PIEZO2: variants seen among roughly 807,000 people sequenced by gnomAD.
PIEZO2 encodes piezo-type mechanosensitive ion channel component 2.
PIEZO2 carries 172 observed loss-of-function variants against 337.3 expected under a neutral mutation model. That is an observed-to-expected ratio of 0.51 (90% CI 0.45 to 0.58). The LOEUF (loss-of-function observed/expected upper bound fraction) is 0.58, where lower values mean the gene tolerates loss of function less well. Ranked by LOEUF, PIEZO2 falls within the 20% of genes least tolerant of loss-of-function variation. The pLI is 0.00. For missense variants in PIEZO2, 3,028 were observed against 3,391.3 expected (o/e 0.89, Z 2.66); for synonymous variants, 1,251 against 1,228.5 (o/e 1.02, Z -0.38).
At chr18:10,931,257 T>G (rs904402588) in intron 3 of PIEZO2, among the ~76,000 whole-genome samples, 13 of 152,212 alleles carry the variant, frequency 8.5e-5, no homozygotes, top group African/African-American at 3.1e-4. Flanking sequence ...TGGAGTGCAG[T>G]GGCGCCATCT....
chr18:10,789,409 T>C (rs1289086732), intron 14 of PIEZO2, 44 bp from the exon 15 acceptor site: 1 of 1,500,830 alleles, frequency 6.7e-7, no homozygotes, highest in Non-Finnish European at 8.8e-7. Context: ...TGGTTATCTG[T>C]GCAGACCACA....
chr18:11,042,915 C>T (rs1214744890), intron 2 of PIEZO2, among the ~76,000 whole-genome samples: 1 of 152,100 alleles, frequency 6.6e-6, no homozygotes, highest in Non-Finnish European at 1.5e-5. Context: ...AATACTTCTT[C>T]AAAGAAGAAT....
At chr18:10,811,065 T>A (rs2040170958) in intron 7 of PIEZO2, among the ~76,000 whole-genome samples, 1 of 152,198 alleles carries the variant, frequency 6.6e-6, no homozygotes, top group African/African-American at 2.4e-5. Context: ...ATTCTTTCCT[T>A]CAGGCCTGAT....
At chr18:10,803,092 C>T (rs977942440) in intron 9 of PIEZO2, among the ~76,000 whole-genome samples, 3 of 152,106 alleles carry the variant, frequency 2.0e-5, no homozygotes, top group African/African-American at 7.2e-5. Context: ...AATCTGCAAC[C>T]ATATCAGTGA....
Position 10,888,890 on chromosome 18 carries a change from C to T in PIEZO2, c.330-17475G>A, listed in dbSNP as rs990108796. On this transcript the variant is annotated intron_variant, in intron 4 of 55. Transcript: ENST00000674853. This position sits in a 1 kb window ranked among gnomAD's most constrained non-coding sequence, Gnocchi z 4.1. ...GTACACTTCCACCAACACCTCCATG[C>T]AACCCCTCTCCCTCAACAACCCAGT... Among the ~76,000 whole-genome samples, 5 of 151,886 alleles carry T rather than the reference C, an allele frequency of 3.3e-5. No individual in the cohort carries two copies. Among genetic ancestry groups the T allele is most frequent in the African/African-American group, 7.3e-5 (3 of 41,340 alleles).
intron 2 of PIEZO2, among the ~76,000 whole-genome samples, chr18:10,999,059 T>C (rs1370145395): frequency 6.6e-6 from 1 of 152,056 alleles, no homozygotes; most frequent in Non-Finnish European, 1.5e-5. Flanking sequence ...GATCCATGGT[T>C]CTTTGGAGTG....
At chr18:10,757,177 C>T (rs1013511871) in intron 27 of PIEZO2, among the ~76,000 whole-genome samples, 16 of 131,584 alleles carry the variant, frequency 1.2e-4, no homozygotes, top group African/African-American at 4.1e-4. Context: ...TATGTGGATA[C>T]GAATGAGGGA....
At chr18:10,967,789 T>C (rs2034073157) in intron 3 of PIEZO2, among the ~76,000 whole-genome samples, 2 of 152,192 alleles carry the variant, frequency 1.3e-5, no homozygotes, top group African/African-American at 2.4e-5. Context: ...TAAATGAGAT[T>C]CTTTGCTTCC....
chr18:10,966,201 AG>A (rs2033990842), intron 3 of PIEZO2, among the ~76,000 whole-genome samples: 1 of 152,240 alleles, frequency 6.6e-6, no homozygotes, highest in Admixed American at 6.5e-5. Context: ...TCCTCAAGCC[AG>A]AAATCTGGGC....
At chr18:11,057,341 T>G (rs978333337) in intron 2 of PIEZO2, among the ~76,000 whole-genome samples, 4 of 152,314 alleles carry the variant, frequency 2.6e-5, no homozygotes, top group African/African-American at 9.6e-5. Context: ...TGATTGCTAG[T>G]TGGGGCCTTA....
chr18:11,054,753 A>G (rs1477957092), intron 2 of PIEZO2, among the ~76,000 whole-genome samples: 2 of 152,210 alleles, frequency 1.3e-5, no homozygotes, highest in East Asian at 3.9e-4. Flanking sequence ...GATATGAAAG[A>G]ATCAGTGTTG....
At chr18:10,700,479 A>G (rs1486229351) in intron 43 of PIEZO2, among the ~76,000 whole-genome samples, 1 of 151,970 alleles carries the variant, frequency 6.6e-6, no homozygotes. Context: ...ATATATTTGA[A>G]ATTTTCAAAA....
At chr18:10,725,032 A>G (rs2036474716) in intron 36 of PIEZO2, 1 of 1,582,862 alleles carries the variant, frequency 6.3e-7, no homozygotes, top group Non-Finnish European at 8.7e-7. Flanking sequence ...GAGCCCCTGC[A>G]TGTTGGTGGC....
rs1478354552 is a variant in PIEZO2 at position 10,715,650 on chromosome 18, C to T, written c.5256G>A (p.Lys1752=). 6.6e-7 allele frequency: 1 copy of T among 1,520,580 alleles called. No individual in the cohort carries two copies. Among genetic ancestry groups the T allele is most frequent in the East Asian group, 2.5e-5 (1 of 40,558 alleles). 94.2% of individuals were successfully genotyped at this position (1,520,580 alleles called of 1,614,324 possible). A position where few individuals can be genotyped will look rare whatever the true frequency, so the allele number is the denominator to read the frequency against. The change falls in exon 38 of 56, where the codon AAG becomes AAA. Residue 1752 remains lysine (K), a splice_region_variant and synonymous_variant. Coordinates refer to ENST00000674853, the MANE Select transcript of PIEZO2 (RefSeq NM_001378183.1). The part of the protein sequence containing the change: ...ERCMLTREIK[K]GNVPTRESIH... Reference sequence around the variant, plus strand: ...AAAAGAATTACACCAGCAGTGTTACCTTCTTAATTTCTCTGGTCAGCATGC... The same window carrying T: ...AAAAGAATTACACCAGCAGTGTTACTTTCTTAATTTCTCTGGTCAGCATGC...
intron 3 of PIEZO2, among the ~76,000 whole-genome samples, chr18:10,938,207 G>A (rs537540067): frequency 1.1e-4 from 16 of 152,340 alleles, no homozygotes; most frequent in South Asian, 2.1e-4. Context: ...CCGGGACTGA[G>A]GCCATTGGTC....
Position 10,945,284 on chromosome 18 carries a change from A to T in PIEZO2, c.287-34056T>A, listed in dbSNP as rs1024197915. Among the ~76,000 whole-genome samples the T allele has an allele frequency of 6.6e-5, 10 of 152,140 alleles. No homozygotes were observed. Among genetic ancestry groups the T allele is most frequent in the African/African-American group, 2.4e-4 (10 of 41,430 alleles). On this transcript the variant is annotated intron_variant, in intron 3 of 55. Transcript: ENST00000674853. The surrounding 1 kb of genome is among the most constrained non-coding windows in gnomAD (Gnocchi z 4.0). The stretch of plus-strand genomic sequence containing the variant: ...AGCCTCAAACTCCTGTGCTCAGGGG[A>T]TCCTCCCACCTCAGCTTCCCAAAGT...
At position 10,671,434 on chromosome 18, in the gene PIEZO2, C is replaced by T. The variant is rs1355299999; in HGVS notation, c.*93G>A. 1.2e-5 allele frequency: 16 copies of T among 1,327,564 alleles called. No homozygotes were observed. The South Asian group carries it at 1.5e-4, about 13-fold the overall frequency. The allele number at this position is 1,327,564 out of a possible 1,614,324, so 82.2% of individuals were successfully genotyped here. Reference sequence around the variant, plus strand: ...TATCAGAAGAGAAACAAACCATTTCCGTCGAACTAGAAATGCTTAGCTCTT... The same window carrying T: ...TATCAGAAGAGAAACAAACCATTTCTGTCGAACTAGAAATGCTTAGCTCTT... On this transcript the variant is annotated 3_prime_UTR_variant, in exon 56 of 56. Transcript: ENST00000674853.
intron 1 of PIEZO2, among the ~76,000 whole-genome samples, chr18:11,086,209 C>T (rs749166053): frequency 1.8e-4 from 28 of 152,012 alleles, no homozygotes; most frequent in Admixed American, 5.2e-4. Context: ...CCTAATGATA[C>T]GAAAATTCGA....
Position 10,748,677 on chromosome 18 carries a change from C to A in PIEZO2, c.4265-47G>T. 1 of 1,387,244 alleles carries A rather than the reference C, an allele frequency of 7.2e-7. No individual in the cohort carries two copies. Among genetic ancestry groups the A allele is most frequent in the South Asian group, 1.6e-5 (1 of 64,170 alleles). 85.9% of individuals were successfully genotyped at this position (1,387,244 alleles called of 1,614,324 possible). The stretch of plus-strand genomic sequence containing the variant: ...ACACATTAAAATTAACATCCATTTT[C>A]ATTGTAATTTTATAAAATCTGAGGT... On this transcript the variant is annotated intron_variant, in intron 29 of 55. Coordinates refer to ENST00000674853, the MANE Select transcript of PIEZO2 (RefSeq NM_001378183.1). The surrounding 1 kb of genome is among the most constrained non-coding windows in gnomAD (Gnocchi z 5.1).
Sources: allele counts gnomAD v4.1 joint callset (sites outside exome capture counted in the v4.1 genomes callset), GRCh38; gene constraint gnomAD v4.1.1; non-coding constraint Gnocchi (gnomAD v3.1); transcripts MANE v1.5; gene names NCBI Gene and HGNC (gene_info 2026-07-23, HGNC 2026-07-21).